Variants in CNTNAP2 observed in about 807,000 individuals in gnomAD.
CNTNAP2 encodes contactin-associated protein-like 2.
A neutral mutation model predicts 155.2 loss-of-function variants in CNTNAP2; 98 were observed. The ratio of observed to expected loss-of-function variants is 0.63; its 90% CI spans 0.54 to 0.75. The LOEUF (loss-of-function observed/expected upper bound fraction) is 0.75. CNTNAP2 is among the 30% of genes least tolerant of loss of function. CNTNAP2 has a pLI of 0.00. For synonymous variants in CNTNAP2, 651 were observed against 631.2 expected, an observed-to-expected ratio of 1.03 and a Z score of -0.47; for missense variants, 1,727 against 1,688.1, an observed-to-expected ratio of 1.02 and a Z score of -0.40.
chr7:148,127,379 C>T (rs1804738145), intron 16 of CNTNAP2, among the ~76,000 whole-genome samples: 1 of 152,148 alleles, frequency 6.6e-6, no homozygotes, highest in Admixed American at 6.5e-5. Flanking sequence ...GAGTAGGTAA[C>T]ATTCAGGAAA....
At chr7:147,934,255 G>C (rs571344818) in intron 14 of CNTNAP2, among the ~76,000 whole-genome samples, 22 of 152,152 alleles carry the variant, frequency 1.4e-4, no homozygotes, top group Non-Finnish European at 2.5e-4. Flanking sequence ...CCAAGACTGG[G>C]TAATTTAAAA....
intron 1 of CNTNAP2, among the ~76,000 whole-genome samples, chr7:146,631,497 C>A (rs968297223): frequency 6.6e-6 from 1 of 152,092 alleles, no homozygotes; most frequent in African/African-American, 2.4e-5. Context: ...AAATCTACAT[C>A]CTCTTCCATG....
At chr7:147,550,607 T>C (rs563148624) in intron 11 of CNTNAP2, among the ~76,000 whole-genome samples, 4 of 152,154 alleles carry the variant, frequency 2.6e-5, no homozygotes, top group South Asian at 2.1e-4. Context: ...AGTCTCAAAC[T>C]GAAGTGAAGA....
intron 11 of CNTNAP2, among the ~76,000 whole-genome samples, chr7:147,505,672 G>A (rs187043654): frequency 6.6e-6 from 1 of 152,318 alleles, no homozygotes; most frequent in East Asian, 1.9e-4. Context: ...TTCTTTTTAT[G>A]TAATGCTATC....
chr7:147,577,002 C>CACAT (rs1393857095), intron 12 of CNTNAP2, among the ~76,000 whole-genome samples: 2 of 152,040 alleles, frequency 1.3e-5, no homozygotes, highest in African/African-American at 4.8e-5. Flanking sequence ...AATTACAAAC[C>CACAT]ACATAGCCTA....
chr7:146,870,678 C>A (rs1209656016), intron 3 of CNTNAP2, among the ~76,000 whole-genome samples: 3 of 152,040 alleles, frequency 2.0e-5, no homozygotes, highest in African/African-American at 4.8e-5. Flanking sequence ...GTTAAATGTT[C>A]TACAATCATA....
intron 10 of CNTNAP2, among the ~76,000 whole-genome samples, chr7:147,459,969 A>G (rs1797990775): frequency 6.6e-6 from 1 of 152,128 alleles, no homozygotes; most frequent in Non-Finnish European, 1.5e-5. Flanking sequence ...AGGGAGGGGA[A>G]CATCACACAC....
At chr7:147,289,544 A>G (rs143138334) in intron 8 of CNTNAP2, among the ~76,000 whole-genome samples, 443 of 152,314 alleles carry the variant, frequency 2.9e-3, no homozygotes, top group Non-Finnish European at 4.9e-3. Context: ...AGATTAATGA[A>G]AATGGCTCCT....
intron 1 of CNTNAP2, among the ~76,000 whole-genome samples, chr7:146,337,361 A>G (rs560110852): frequency 2.2e-4 from 34 of 152,178 alleles, no homozygotes; most frequent in Admixed American, 2.2e-3. Flanking sequence ...AACTACTGCT[A>G]GTTTGAGAAA....
chr7:147,253,340 T>A (rs1342013342), intron 8 of CNTNAP2, among the ~76,000 whole-genome samples: 1 of 150,462 alleles, frequency 6.6e-6, no homozygotes, highest in East Asian at 1.9e-4. Flanking sequence ...ATCAGCCAGA[T>A]CCAGCTGGAG....
chr7:147,409,705 A>G (rs1204898668), intron 10 of CNTNAP2, among the ~76,000 whole-genome samples: 2 of 152,176 alleles, frequency 1.3e-5, no homozygotes, highest in Non-Finnish European at 2.9e-5. Context: ...AATTTACAAG[A>G]AGAAACACAA....
At chr7:147,807,247 C>T (rs1298665141) in intron 13 of CNTNAP2, among the ~76,000 whole-genome samples, 1 of 147,482 alleles carries the variant, frequency 6.8e-6, no homozygotes, top group African/African-American at 2.5e-5. Context: ...CACCTGAACC[C>T]AGGAGATTGA....
intron 4 of CNTNAP2, among the ~76,000 whole-genome samples, chr7:147,044,831 A>G (rs1016184548): frequency 2.0e-5 from 3 of 151,734 alleles, no homozygotes; most frequent in African/African-American, 7.3e-5. Context: ...GCTTATCCAT[A>G]TTCTTTACTG....
At chr7:146,448,130 C>T (rs1796427921) in intron 1 of CNTNAP2, among the ~76,000 whole-genome samples, 1 of 151,924 alleles carries the variant, frequency 6.6e-6, no homozygotes, top group African/African-American at 2.4e-5. Context: ...GCTACCAACA[C>T]CAATACATAT....
chr7:146,486,364 A>G (rs28549169), intron 1 of CNTNAP2, among the ~76,000 whole-genome samples: 1 of 151,860 alleles, frequency 6.6e-6, no homozygotes, highest in Non-Finnish European at 1.5e-5. Context: ...GCGCCCAGCC[A>G]CCACAGCAGT....
intron 3 of CNTNAP2, among the ~76,000 whole-genome samples, chr7:146,907,187 A>C (rs573331908): frequency 1.3e-5 from 2 of 152,236 alleles, no homozygotes; most frequent in African/African-American, 2.4e-5. Flanking sequence ...GTGTACCTGA[A>C]AATGATGTGG....
chr7:146,695,162 C>G (rs1408750447), intron 1 of CNTNAP2, among the ~76,000 whole-genome samples: 3 of 152,010 alleles, frequency 2.0e-5, no homozygotes, highest in Non-Finnish European at 4.4e-5. Flanking sequence ...CTTGTTCTCT[C>G]TCTTAGGGGG....
At chr7:148,260,290 C>T (rs931978188) in intron 20 of CNTNAP2, among the ~76,000 whole-genome samples, 8 of 152,136 alleles carry the variant, frequency 5.3e-5, no homozygotes, top group South Asian at 4.1e-4. Context: ...TGCAGCTCAC[C>T]GTTTTGTCTC....
chr7:147,458,707 T>C (rs543940279), intron 10 of CNTNAP2, among the ~76,000 whole-genome samples: 2 of 152,206 alleles, frequency 1.3e-5, no homozygotes, highest in Admixed American at 6.5e-5. Context: ...TTGTAAAATA[T>C]GTAGATTGAG....
Sources: gnomAD v4.1 joint callset for allele counts (sites outside exome capture counted in the v4.1 genomes callset) on GRCh38, gnomAD v4.1.1 for gene constraint, MANE v1.5 for transcripts, NCBI Gene and HGNC (gene_info 2026-07-23, HGNC 2026-07-21) for gene names.